The following B3GALT1 variants were observed in gnomAD, a reference collection of about 807,000 sequenced individuals.
B3GALT1 encodes UDP-Gal:betaGlcNAc beta 1,3-galactosyltransferase, polypeptide 1.
B3GALT1 carries 10 observed loss-of-function variants against 23.2 expected under a neutral mutation model. The observed-to-expected ratio is 0.43, with a 90% CI of 0.27 to 0.73. The LOEUF (loss-of-function observed/expected upper bound fraction) is 0.73, where lower values mean the gene tolerates loss of function less well. B3GALT1 is among the 30% of genes least tolerant of loss of function. The pLI, the probability that B3GALT1 is intolerant of heterozygous loss-of-function variation, is 0.21. For synonymous variants in B3GALT1, 156 were observed against 141.5 expected, an observed-to-expected ratio of 1.10 and a Z score of -0.73; for missense variants, 299 against 405.4, an observed-to-expected ratio of 0.74 and a Z score of 2.25.
intron 1 of B3GALT1, among the ~76,000 whole-genome samples, chr2:167,308,633 T>C (rs150224965): frequency 9.0e-4 from 137 of 152,098 alleles, no homozygotes; most frequent in Non-Finnish European, 1.1e-3. Context: ...AGGGTATAGG[T>C]GAAGAGTAAG....
chr2:167,407,941 A>C (rs2105293189), intron 1 of B3GALT1, among the ~76,000 whole-genome samples: 1 of 152,126 alleles, frequency 6.6e-6, no homozygotes, highest in South Asian at 2.1e-4. Context: ...CTCTTCAAAA[A>C]AATTAAAGGT....
chr2:167,776,040 G>GCGCA (rs376718846), intron 3 of B3GALT1, among the ~76,000 whole-genome samples: 1 of 142,258 alleles, frequency 7.0e-6, no homozygotes. Context: ...ATGCAACTGT[G>GCGCA]CACACACACA....
chr2:167,545,901 G>A (rs1245198762), intron 2 of B3GALT1, among the ~76,000 whole-genome samples: 1 of 152,134 alleles, frequency 6.6e-6, no homozygotes, highest in African/African-American at 2.4e-5. Context: ...TACGTAATGA[G>A]TTATCTTGGG....
At chr2:167,783,946 G>T (rs1688292802) in intron 3 of B3GALT1, among the ~76,000 whole-genome samples, 1 of 152,216 alleles carries the variant, frequency 6.6e-6, no homozygotes, top group Non-Finnish European at 1.5e-5. Flanking sequence ...ATGACCATCT[G>T]CAGTGACCAC....
At chr2:167,675,229 A>C (rs958515654) in intron 3 of B3GALT1, among the ~76,000 whole-genome samples, 2 of 152,198 alleles carry the variant, frequency 1.3e-5, no homozygotes, top group Non-Finnish European at 2.9e-5. Context: ...CTGGGTTCCC[A>C]TTTCACCATA....
At chr2:167,387,531 G>T (rs1047832536) in intron 1 of B3GALT1, among the ~76,000 whole-genome samples, 1 of 152,168 alleles carries the variant, frequency 6.6e-6, no homozygotes, top group Non-Finnish European at 1.5e-5. Context: ...TGATGGTAAA[G>T]AAAACTGAGC....
At chr2:167,474,067 G>A (rs990777318) in intron 1 of B3GALT1, among the ~76,000 whole-genome samples, 1 of 152,160 alleles carries the variant, frequency 6.6e-6, no homozygotes, top group Admixed American at 6.6e-5. Flanking sequence ...CTCTAAGAAA[G>A]TTAGTATTGA....
At chr2:167,740,767 A>G (rs1266367626) in intron 3 of B3GALT1, among the ~76,000 whole-genome samples, 1 of 152,188 alleles carries the variant, frequency 6.6e-6, no homozygotes, top group Non-Finnish European at 1.5e-5. Context: ...ACATTGTGTC[A>G]TATTTAGATT....
chr2:167,312,168 A>T (rs1226310423), intron 1 of B3GALT1, among the ~76,000 whole-genome samples: 1 of 152,030 alleles, frequency 6.6e-6, no homozygotes, highest in East Asian at 1.9e-4. Flanking sequence ...ATATTAAAAG[A>T]GTTACTTTAT....
At chr2:167,297,565 G>A (rs1226002964) in intron 1 of B3GALT1, among the ~76,000 whole-genome samples, 1 of 151,990 alleles carries the variant, frequency 6.6e-6, no homozygotes, top group Non-Finnish European at 1.5e-5. Flanking sequence ...TCCAATTACA[G>A]ATCAAACTTT....
chr2:167,347,391 T>C (rs1490554403), intron 1 of B3GALT1, among the ~76,000 whole-genome samples: 1 of 152,222 alleles, frequency 6.6e-6, no homozygotes, highest in Non-Finnish European at 1.5e-5. Flanking sequence ...AATTGACCAT[T>C]AGGAATCTTT....
chr2:167,615,274 C>A (rs557416449), intron 2 of B3GALT1, among the ~76,000 whole-genome samples: 1 of 151,974 alleles, frequency 6.6e-6, no homozygotes, highest in East Asian at 1.9e-4. Context: ...GTAAAACAAG[C>A]CAGACACAGA....
At chr2:167,787,558 C>G (rs1044573129) in intron 3 of B3GALT1, among the ~76,000 whole-genome samples, 12 of 152,210 alleles carry the variant, frequency 7.9e-5, no homozygotes, top group African/African-American at 2.9e-4. Flanking sequence ...TCTTAAGTCT[C>G]TGCTGAAGCC....
At chr2:167,585,613 A>G (rs1684573124) in intron 2 of B3GALT1, among the ~76,000 whole-genome samples, 2 of 152,176 alleles carry the variant, frequency 1.3e-5, no homozygotes, top group Admixed American at 6.5e-5. Context: ...GCTTTGGAAA[A>G]CTTTTTTGCC....
At chr2:167,595,152 C>T (rs1402506627) in intron 2 of B3GALT1, among the ~76,000 whole-genome samples, 2 of 152,048 alleles carry the variant, frequency 1.3e-5, no homozygotes, top group African/African-American at 4.8e-5. Context: ...GCTGGTGTGA[C>T]ACTTTGCAGG....
At chr2:167,520,414 T>C (rs1700170803) in intron 2 of B3GALT1, among the ~76,000 whole-genome samples, 1 of 152,170 alleles carries the variant, frequency 6.6e-6, no homozygotes, top group Non-Finnish European at 1.5e-5. Flanking sequence ...AAATTGCTCT[T>C]GTCTGATAAG....
intron 4 of B3GALT1, among the ~76,000 whole-genome samples, chr2:167,844,702 C>T (rs999732037): frequency 6.6e-6 from 1 of 152,196 alleles, no homozygotes; most frequent in East Asian, 1.9e-4. Flanking sequence ...AAAGAAATCT[C>T]TAGCTGAACT....
At chr2:167,613,673 C>G (rs1685108077) in intron 2 of B3GALT1, among the ~76,000 whole-genome samples, 2 of 151,594 alleles carry the variant, frequency 1.3e-5, no homozygotes, top group African/African-American at 4.8e-5. Flanking sequence ...GGAAGAAAGC[C>G]CAGATTTCTG....
intron 1 of B3GALT1, among the ~76,000 whole-genome samples, chr2:167,452,085 T>C (rs1574085071): frequency 6.6e-6 from 1 of 152,110 alleles, no homozygotes; most frequent in South Asian, 2.1e-4. Context: ...AGCTGAGAAC[T>C]TGCCCCGGGC....
Sources: gnomAD v4.1 joint callset for allele counts (sites outside exome capture counted in the v4.1 genomes callset) on GRCh38, gnomAD v4.1.1 for gene constraint, MANE v1.5 for transcripts, NCBI Gene and HGNC (gene_info 2026-07-23, HGNC 2026-07-21) for gene names.